Variants in SEMA3E observed in about 807,000 individuals in gnomAD.
SEMA3E encodes semaphorin 3E.
In SEMA3E, 49 loss-of-function variants were observed where a neutral mutation model predicts 93.6. The observed-to-expected ratio is 0.52, with a 90% CI of 0.42 to 0.66. The LOEUF (loss-of-function observed/expected upper bound fraction) is 0.66, where lower values mean the gene tolerates loss of function less well. Ranked by LOEUF, SEMA3E falls within the 30% of genes least tolerant of loss-of-function variation. The pLI is 0.00. For synonymous variants in SEMA3E, 363 were observed against 330.7 expected (o/e 1.10, Z -1.06); for missense variants, 906 against 964.8 (o/e 0.94, Z 0.81).
intron 1 of SEMA3E, among the ~76,000 whole-genome samples, chr7:83,646,609 A>G (rs1158544787): frequency 2.6e-5 from 4 of 152,092 alleles, no homozygotes; most frequent in African/African-American, 9.7e-5. Flanking sequence ...TTTTCAGTCT[A>G]TTGTACATAT....
At chr7:83,516,681 G>A (rs116434830) in intron 1 of SEMA3E, among the ~76,000 whole-genome samples, 1,555 of 152,144 alleles carry the variant, frequency 0.01, 27 homozygotes, top group African/African-American at 0.033. Flanking sequence ...TGAAGCCAAC[G>A]TATTCTGATA....
chr7:83,419,467 C>T (rs1272282910), intron 4 of SEMA3E, among the ~76,000 whole-genome samples: 1 of 152,134 alleles, frequency 6.6e-6, no homozygotes, highest in African/African-American at 2.4e-5. Context: ...ATTGCAGGGT[C>T]AAATGGTAAT....
At chr7:83,389,781 A>T (rs1787960358) in intron 14 of SEMA3E, among the ~76,000 whole-genome samples, 1 of 110,492 alleles carries the variant, frequency 9.1e-6, no homozygotes. Flanking sequence ...CGTATATATT[A>T]CATGTATACA....
intron 4 of SEMA3E, among the ~76,000 whole-genome samples, chr7:83,457,896 C>T (rs944926062): frequency 1.3e-5 from 2 of 152,108 alleles, no homozygotes; most frequent in African/African-American, 4.8e-5. Flanking sequence ...CTCTTAGCTG[C>T]TTAATCAAAG....
chr7:83,573,909 C>G (rs1459526842), intron 1 of SEMA3E, among the ~76,000 whole-genome samples: 1 of 151,374 alleles, frequency 6.6e-6, no homozygotes, highest in Non-Finnish European at 1.5e-5. Context: ...TTTTAAAGCT[C>G]TAATTAATTT....
chr7:83,529,632 T>G (rs538181738), intron 1 of SEMA3E, among the ~76,000 whole-genome samples: 8 of 152,246 alleles, frequency 5.3e-5, no homozygotes, highest in Non-Finnish European at 1.2e-4. Flanking sequence ...ATCCAGGATA[T>G]ACTGTTATCT....
chr7:83,483,391 A>G (rs796216938), intron 2 of SEMA3E, among the ~76,000 whole-genome samples: 10 of 152,290 alleles, frequency 6.6e-5, no homozygotes, highest in African/African-American at 2.2e-4. Context: ...TAAATAAGGT[A>G]TGTGTCATCA....
At chr7:83,453,394 G>A (rs1789404174) in intron 4 of SEMA3E, among the ~76,000 whole-genome samples, 1 of 146,824 alleles carries the variant, frequency 6.8e-6, no homozygotes. Context: ...CAACTCCAAT[G>A]CGTAAAATAA....
intron 2 of SEMA3E, among the ~76,000 whole-genome samples, chr7:83,487,976 A>G (rs1194800576): frequency 6.6e-6 from 1 of 152,066 alleles, no homozygotes; most frequent in African/African-American, 2.4e-5. Flanking sequence ...AAACTCTAAA[A>G]CATATGGGCA....
At chr7:83,635,760 T>C (rs1793869993) in intron 1 of SEMA3E, among the ~76,000 whole-genome samples, 2 of 151,934 alleles carry the variant, frequency 1.3e-5, no homozygotes, top group Non-Finnish European at 2.9e-5. Flanking sequence ...AGTAGAATGA[T>C]AAAACATAGC....
intron 2 of SEMA3E, 112 bp from the exon 3 acceptor site, chr7:83,469,414 T>C (rs1789845704): frequency 1.4e-6 from 1 of 698,242 alleles, no homozygotes; most frequent in Non-Finnish European, 2.4e-6. Context: ...TTTTTTTTTC[T>C]GTTTTCTGAT....
chr7:83,578,928 AGAAGTTCTG>A lies in SEMA3E; in HGVS notation c.115+69491_115+69499del, dbSNP rs1433525380. On this transcript the variant is annotated intron_variant, in intron 1 of 16. Coordinates refer to ENST00000643230, the MANE Select transcript of SEMA3E (RefSeq NM_012431.3). ...CAAGTCTTTGAATAATAAAAATTAC[AGAAGTTCTG>A]GAATCAGTTAGTACCATGATTTGAA... 2.6e-5 allele frequency among the ~76,000 whole-genome samples: 4 copies of A among 152,256 alleles called. No homozygotes were observed. The East Asian group carries it at 7.7e-4, about 29-fold the overall frequency.
intron 1 of SEMA3E, among the ~76,000 whole-genome samples, chr7:83,504,876 C>A (rs1413163593): frequency 6.6e-6 from 1 of 151,784 alleles, no homozygotes; most frequent in Non-Finnish European, 1.5e-5. Context: ...CCCTTCACTC[C>A]ACCAGTAGGT....
chr7:83,385,199 C>T, intron 16 of SEMA3E, 95 bp downstream of exon 16: 1 of 1,389,172 alleles, frequency 7.2e-7, no homozygotes, highest in South Asian at 1.3e-5. Flanking sequence ...AGTACAACAG[C>T]TAGCTTCATT....
At chr7:83,631,209 T>C (rs1793778807) in intron 1 of SEMA3E, among the ~76,000 whole-genome samples, 1 of 152,144 alleles carries the variant, frequency 6.6e-6, no homozygotes, top group South Asian at 2.1e-4. Context: ...TATTAAAAAA[T>C]GGTTATGTTT....
intron 1 of SEMA3E, among the ~76,000 whole-genome samples, chr7:83,604,043 C>T (rs1234077239): frequency 6.6e-6 from 1 of 152,080 alleles, no homozygotes; most frequent in Non-Finnish European, 1.5e-5. Context: ...ATTCATATCC[C>T]TAATTGCATG....
At chr7:83,434,009 G>T (rs1277779466) in intron 4 of SEMA3E, among the ~76,000 whole-genome samples, 2 of 151,874 alleles carry the variant, frequency 1.3e-5, no homozygotes, top group African/African-American at 4.8e-5. Flanking sequence ...TATTTATGAA[G>T]AAATTCATTA....
At chr7:83,566,395 C>G (rs909196969) in intron 1 of SEMA3E, among the ~76,000 whole-genome samples, 6 of 152,088 alleles carry the variant, frequency 3.9e-5, no homozygotes, top group African/African-American at 1.4e-4. Flanking sequence ...CAATGATTGA[C>G]TCTTGGATTT....
chr7:83,475,278 A>T (rs1157538988), intron 2 of SEMA3E, among the ~76,000 whole-genome samples: 1 of 152,168 alleles, frequency 6.6e-6, no homozygotes, highest in Non-Finnish European at 1.5e-5. Context: ...ACTGGCTTCA[A>T]AATGATCATT....
Sources: gnomAD v4.1 joint callset for allele counts (sites outside exome capture counted in the v4.1 genomes callset) on GRCh38, gnomAD v4.1.1 for gene constraint, MANE v1.5 for transcripts, NCBI Gene and HGNC (gene_info 2026-07-23, HGNC 2026-07-21) for gene names.